EVA1C: variants seen among roughly 807,000 people sequenced by gnomAD.
The protein encoded by EVA1C is eva-1 homolog C.
A neutral mutation model predicts 45.4 loss-of-function variants in EVA1C; 25 were observed. The observed-to-expected ratio is 0.55, with a 90% CI of 0.40 to 0.77. The LOEUF (loss-of-function observed/expected upper bound fraction) is 0.77. EVA1C is among the 30% of genes least tolerant of loss of function. EVA1C has a pLI of 0.00. For missense variants in EVA1C, 479 were observed against 554.8 expected (o/e 0.86, Z 1.37); for synonymous variants, 190 against 221.2 (o/e 0.86, Z 1.25).
chr21:32,507,871 ATG>A (rs1352969037), intron 7 of EVA1C, among the ~76,000 whole-genome samples: 4 of 144,458 alleles, frequency 2.8e-5, no homozygotes, highest in South Asian at 2.2e-4. Context: ...GTGTGCCGTC[ATG>A]TGTGTGCATG....
intron 1 of EVA1C, among the ~76,000 whole-genome samples, chr21:32,450,383 A>AT (rs3056328): frequency 0.36 from 52,629 of 145,356 alleles, 11,321 homozygotes; most frequent in African/African-American, 0.61. Flanking sequence ...GAGCCTTGTC[A>AT]TTTTTTTTTT....
At chr21:32,472,889 A>G (rs1220240979) in intron 4 of EVA1C, among the ~76,000 whole-genome samples, 1 of 152,210 alleles carries the variant, frequency 6.6e-6, no homozygotes, top group African/African-American at 2.4e-5. Context: ...CTCACAATCA[A>G]GCACTTGCGT....
At chr21:32,490,282 G>A (rs1253387557) in intron 4 of EVA1C, among the ~76,000 whole-genome samples, 2 of 151,998 alleles carry the variant, frequency 1.3e-5, no homozygotes, top group Non-Finnish European at 2.9e-5. Context: ...CTGTCTCTGT[G>A]GATTTCACTA....
intron 4 of EVA1C, among the ~76,000 whole-genome samples, chr21:32,468,760 G>C (rs188001828): frequency 6.6e-6 from 1 of 152,302 alleles, no homozygotes; most frequent in African/African-American, 2.4e-5. Flanking sequence ...ACCAGATTAA[G>C]GGTGAATCTG....
chr21:32,428,504 G>A lies in EVA1C; in HGVS notation c.160+15491G>A, dbSNP rs143953094. 3.0e-4 allele frequency: 45 copies of A among 152,306 alleles called. No individual in the cohort carries two copies. The East Asian group carries it at 8.3e-3, about 28-fold the overall frequency. 9.4% of individuals were successfully genotyped at this position (152,306 alleles called of 1,614,324 possible). On this transcript the variant is annotated intron_variant, in intron 1 of 7. Transcript: ENST00000300255. ...GTGGGTGTAGCTAAAACACGAACCA[G>A]GAGCCTTCATCCTTAGAAAGGAGTC... is the stretch of plus-strand genomic sequence containing the variant.
At chr21:32,489,490 T>C (rs1366476855) in intron 4 of EVA1C, among the ~76,000 whole-genome samples, 2 of 152,252 alleles carry the variant, frequency 1.3e-5, no homozygotes, top group Non-Finnish European at 2.9e-5. Context: ...CATACTGTTT[T>C]GATTACTATA....
At chr21:32,434,922 T>A (rs1362559696) in intron 1 of EVA1C, among the ~76,000 whole-genome samples, 1 of 152,300 alleles carries the variant, frequency 6.6e-6, no homozygotes, top group Non-Finnish European at 1.5e-5. Flanking sequence ...AGCAGCATTC[T>A]GAGCCCTTCC....
intron 1 of EVA1C, among the ~76,000 whole-genome samples, chr21:32,445,628 T>G (rs976545508): frequency 1.3e-5 from 2 of 152,188 alleles, no homozygotes; most frequent in Admixed American, 6.5e-5. Flanking sequence ...TCCTTGTAAA[T>G]GTGATGAGGA....
At chr21:32,423,912 T>C (rs1387070584) in intron 1 of EVA1C, among the ~76,000 whole-genome samples, 1 of 152,142 alleles carries the variant, frequency 6.6e-6, no homozygotes, top group Non-Finnish European at 1.5e-5. Context: ...TGAATACAAA[T>C]CACCTCATCT....
At chr21:32,423,802 C>A (rs939424939) in intron 1 of EVA1C, among the ~76,000 whole-genome samples, 1 of 152,120 alleles carries the variant, frequency 6.6e-6, no homozygotes, top group East Asian at 1.9e-4. Context: ...GTTTTCCACA[C>A]GCAGAAAACC....
At position 32,468,012 on chromosome 21, in the gene EVA1C, G is replaced by A. The variant is rs368068486; in HGVS notation, c.634+164G>A. The stretch of plus-strand genomic sequence containing the variant: ...AAGTTAATACTTAATAAACTCCCGT[G>A]TGTGTGTGTATGTATATATATATAA... On this transcript the variant is annotated intron_variant, in intron 4 of 7. Transcript: ENST00000300255. 199 of 285,210 alleles carry A rather than the reference G, an allele frequency of 7.0e-4. No individual in the cohort carries two copies. Among genetic ancestry groups the A allele is most frequent in the African/African-American group, 1.3e-3 (51 of 38,738 alleles). The allele number at this position is 285,210 out of a possible 1,614,324, so 17.7% of individuals were successfully genotyped here.
intron 6 of EVA1C, among the ~76,000 whole-genome samples, chr21:32,503,529 A>G (rs1429355180): frequency 8.6e-6 from 1 of 116,870 alleles, no homozygotes; most frequent in Non-Finnish European, 1.8e-5. Context: ...CCTGGGCAAC[A>G]AGAGTGAAAC....
In EVA1C at chr21:32,417,450, AGACTC is replaced by A. The variant is rs372280900; in HGVS notation, c.160+4438_160+4442del. Among the ~76,000 whole-genome samples the A allele has an allele frequency of 3.3e-3, 505 of 152,340 alleles. 8 individuals carry two copies. The highest frequency in any genetic ancestry group is 0.011 in the African/African-American group (468 of 41,590). ...ACAAGGATATCAGTCATATTGGACT[AGACTC>A]CTTCAAATGATCTCATTTTCATGTA... On this transcript the variant is annotated intron_variant, in intron 1 of 7. Coordinates refer to ENST00000300255, the MANE Select transcript of EVA1C (RefSeq NM_058187.5).
intron 4 of EVA1C, among the ~76,000 whole-genome samples, chr21:32,487,630 G>C (rs1198697530): frequency 6.6e-6 from 1 of 151,564 alleles, no homozygotes; most frequent in Non-Finnish European, 1.5e-5. Flanking sequence ...CTGAGACAGA[G>C]AATTGCTCGA....
intron 7 of EVA1C, among the ~76,000 whole-genome samples, chr21:32,507,580 A>T (rs2037773129): frequency 7.0e-6 from 1 of 142,792 alleles, no homozygotes; most frequent in Non-Finnish European, 1.5e-5. Flanking sequence ...GCATGTGTAT[A>T]TGTGTGTGCA....
chr21:32,463,726 T>TAAACA (rs1459292368), intron 3 of EVA1C, among the ~76,000 whole-genome samples: 1 of 133,436 alleles, frequency 7.5e-6, no homozygotes, highest in Non-Finnish European at 1.6e-5. Context: ...TGACATGCCT[T>TAAACA]AAACAAAACA....
Position 32,467,850 on chromosome 21 carries a change from T to C in EVA1C, c.634+2T>C, listed in dbSNP as rs761773594. The C allele has an allele frequency of 2.5e-6, 4 of 1,606,694 alleles. No homozygotes were observed. Among genetic ancestry groups the C allele is most frequent in the South Asian group, 1.1e-5 (1 of 89,858 alleles). On this transcript the variant is annotated splice_donor_variant, in intron 4 of 7. Coordinates refer to ENST00000300255, the MANE Select transcript of EVA1C (RefSeq NM_058187.5). LOFTEE classifies it high-confidence loss of function. Reference sequence around the variant, plus strand: ...AGGCAGAGCGGCTCCCCCCTTTCGGTATGTGCTTTTGTGTGTGTATTAGCC... The same window carrying C: ...AGGCAGAGCGGCTCCCCCCTTTCGGCATGTGCTTTTGTGTGTGTATTAGCC...
At chr21:32,479,198 A>G (rs2146344035) in intron 4 of EVA1C, among the ~76,000 whole-genome samples, 1 of 152,322 alleles carries the variant, frequency 6.6e-6, no homozygotes, top group African/African-American at 2.4e-5. Context: ...AGGCGAGTGG[A>G]TTGCTTGAGG....
At chr21:32,449,858 G>A (rs944337600) in intron 1 of EVA1C, among the ~76,000 whole-genome samples, 3 of 152,028 alleles carry the variant, frequency 2.0e-5, no homozygotes, top group Non-Finnish European at 4.4e-5. Flanking sequence ...CCTGACCTCA[G>A]GTGATCTGCC....
Sources: gnomAD v4.1 joint callset for allele counts (sites outside exome capture counted in the v4.1 genomes callset) on GRCh38, gnomAD v4.1.1 for gene constraint, MANE v1.5 for transcripts, NCBI Gene and HGNC (gene_info 2026-07-23, HGNC 2026-07-21) for gene names.